The following SHOC2 variants were observed in gnomAD, a reference collection of about 807,000 sequenced individuals.
SHOC2 encodes the protein leucine-rich repeat protein SHOC-2.
Under a neutral mutation model 50.2 loss-of-function variants are expected in SHOC2, and 4 were observed. The observed-to-expected ratio is 0.08, with a 90% CI of 0.04 to 0.18. The LOEUF (loss-of-function observed/expected upper bound fraction) is 0.18, where lower values mean the gene tolerates loss of function less well. SHOC2 is among the 10% of genes least tolerant of loss of function. The pLI is 1.00. For synonymous variants in SHOC2, 218 were observed against 244.5 expected (o/e 0.89, Z 1.01); for missense variants, 388 against 669.6 (o/e 0.58, Z 4.64).
intron 1 of SHOC2, among the ~76,000 whole-genome samples, chr10:110,949,163 A>G (rs1043972610): frequency 5.9e-5 from 9 of 152,192 alleles, no homozygotes; most frequent in African/African-American, 1.9e-4. Context: ...TAATGAAACT[A>G]AGAGTTGGTT....
chr10:110,939,044 C>A (rs1167473434), intron 1 of SHOC2, among the ~76,000 whole-genome samples: 8 of 152,130 alleles, frequency 5.3e-5, no homozygotes, highest in Non-Finnish European at 2.9e-5. Context: ...TTCTTTGGAA[C>A]TACTTTCTGT....
chr10:110,990,424 T>C (rs1281990564), intron 3 of SHOC2, among the ~76,000 whole-genome samples: 1 of 152,156 alleles, frequency 6.6e-6, no homozygotes, highest in Non-Finnish European at 1.5e-5. Flanking sequence ...TGTGTTTAGC[T>C]CAAGGTTTGT....
At chr10:110,981,847 T>C (rs1009937675) in intron 2 of SHOC2, among the ~76,000 whole-genome samples, 2 of 1,042 alleles carry the variant, frequency 1.9e-3, no homozygotes, top group African/African-American at 2.3e-3. Flanking sequence ...AGTTTTCTTA[T>C]TTATTTATTT....
intron 2 of SHOC2, among the ~76,000 whole-genome samples, chr10:110,973,028 A>T (rs1465901890): frequency 6.6e-6 from 1 of 152,226 alleles, no homozygotes; most frequent in Non-Finnish European, 1.5e-5. Context: ...TAGTTGCAGA[A>T]AACTTGCTTA....
At chr10:110,966,063 C>A (rs1847669014) in intron 2 of SHOC2, among the ~76,000 whole-genome samples, 1 of 151,938 alleles carries the variant, frequency 6.6e-6, no homozygotes, top group Non-Finnish European at 1.5e-5. Flanking sequence ...GAGTGATAAA[C>A]TTTCTGATTT....
At chr10:110,947,717 G>T (rs1226497581) in intron 1 of SHOC2, among the ~76,000 whole-genome samples, 3 of 126,840 alleles carry the variant, frequency 2.4e-5, no homozygotes, top group Non-Finnish European at 5.0e-5. Flanking sequence ...ATTTCGTGGA[G>T]AAAAACCCCT....
chr10:110,941,097 A>G (rs545785109), intron 1 of SHOC2, among the ~76,000 whole-genome samples: 15 of 151,606 alleles, frequency 9.9e-5, no homozygotes, highest in Non-Finnish European at 1.6e-4. Context: ...ATACCCAACT[A>G]ATTTTTAAAA....
At position 111,009,691 on chromosome 10, in the gene SHOC2, T is replaced by C. The variant is rs745506928; in HGVS notation, c.1423-22T>C. The C allele has an allele frequency of 3.6e-6, 5 of 1,404,048 alleles. No homozygotes were observed. In the African/African-American group the frequency reaches 7.1e-5, roughly 20 times the overall value. The allele number at this position is 1,404,048 out of a possible 1,614,324, so 87.0% of individuals were successfully genotyped here. A position where few individuals can be genotyped will look rare whatever the true frequency, so the allele number is the denominator to read the frequency against. On this transcript the variant is annotated intron_variant, in intron 7 of 8. Transcript: ENST00000369452. ...TGTAGGAAATATATTTGTAACTCTC[T>C]TTTATTTTGTAAATCTTTTAGAAAT...
intron 3 of SHOC2, among the ~76,000 whole-genome samples, chr10:110,998,420 G>T (rs1848308761): frequency 6.6e-6 from 1 of 152,024 alleles, no homozygotes; most frequent in Non-Finnish European, 1.5e-5. Context: ...TCTCACCAGA[G>T]TGTCATCAGA....
intron 3 of SHOC2, among the ~76,000 whole-genome samples, chr10:110,986,463 A>T (rs753389835): frequency 3.3e-5 from 5 of 152,002 alleles, no homozygotes; most frequent in African/African-American, 7.2e-5. Context: ...AATATTTAGT[A>T]TTTTAATTTT....
At chr10:111,000,012 A>G (rs751133597) in intron 3 of SHOC2, among the ~76,000 whole-genome samples, 2 of 152,180 alleles carry the variant, frequency 1.3e-5, no homozygotes, top group Non-Finnish European at 2.9e-5. Flanking sequence ...AATTACGTGT[A>G]CATACTTATA....
intron 1 of SHOC2, among the ~76,000 whole-genome samples, chr10:110,925,436 T>C (rs1022896481): frequency 2.0e-5 from 3 of 151,876 alleles, no homozygotes; most frequent in Non-Finnish European, 4.4e-5. Context: ...TTTTTCACGC[T>C]TTTTTTTGTT....
chr10:110,936,992 C>G (rs1162886919), intron 1 of SHOC2: 6 of 1,469,942 alleles, frequency 4.1e-6, no homozygotes, highest in Non-Finnish European at 5.7e-6. Flanking sequence ...CACAGTCAGC[C>G]AGAAGATGGG....
At chr10:110,951,169 A>G (rs1370841857) in intron 1 of SHOC2, among the ~76,000 whole-genome samples, 1 of 152,238 alleles carries the variant, frequency 6.6e-6, no homozygotes, top group East Asian at 1.9e-4. Context: ...AAATATATTT[A>G]AGAACTCAAT....
intron 1 of SHOC2, chr10:110,937,165 C>G (rs1445058381): frequency 6.5e-7 from 1 of 1,546,240 alleles, no homozygotes; most frequent in East Asian, 2.3e-5. Flanking sequence ...CCTGTTTAGC[C>G]ACGATGGTCG....
rs185882200 is a variant in SHOC2 at position 110,970,288 on chromosome 10, A to G, written c.703+5227A>G. On this transcript the variant is annotated intron_variant, in intron 2 of 8. Coordinates refer to ENST00000369452, the MANE Select transcript of SHOC2 (RefSeq NM_007373.4). ...ATCAACTTTTTTAGCATGAGAGAAC[A>G]TGCAGTATTTATATTTCTGTGCCTG... Among the ~76,000 whole-genome samples the G allele has an allele frequency of 4.3e-4, 65 of 152,294 alleles. 1 individual carries two copies. The East Asian group carries it at 0.01, about 24-fold the overall frequency.
intron 6 of SHOC2, among the ~76,000 whole-genome samples, chr10:111,007,926 CT>C (rs1848500141): frequency 1.3e-5 from 2 of 151,772 alleles, no homozygotes; most frequent in Non-Finnish European, 2.9e-5. Flanking sequence ...GTAAAAGCAT[CT>C]TTTAGAACAA....
intron 4 of SHOC2, among the ~76,000 whole-genome samples, chr10:111,002,670 T>A (rs1848399982): frequency 6.6e-6 from 1 of 152,112 alleles, no homozygotes. Flanking sequence ...ACTTTAAATA[T>A]TTTTCTGGAA....
intron 6 of SHOC2, among the ~76,000 whole-genome samples, chr10:111,008,619 T>G (rs888322625): frequency 8.5e-5 from 13 of 152,096 alleles, no homozygotes; most frequent in Non-Finnish European, 1.9e-4. Flanking sequence ...CTGTAATTAT[T>G]TTCTCCATCT....
Sources: allele counts gnomAD v4.1 joint callset (sites outside exome capture counted in the v4.1 genomes callset), GRCh38; gene constraint gnomAD v4.1.1; transcripts MANE v1.5; gene names NCBI Gene and HGNC (gene_info 2026-07-23, HGNC 2026-07-21).